The following BRD8 variants were observed in gnomAD, a reference collection of about 807,000 sequenced individuals.
The protein encoded by BRD8 is bromodomain containing 8.
A neutral mutation model predicts 143.1 loss-of-function variants in BRD8; 67 were observed. The observed-to-expected ratio is 0.47, with a 90% confidence interval of 0.38 to 0.57. The LOEUF (loss-of-function observed/expected upper bound fraction) is 0.57, where lower values mean the gene tolerates loss of function less well. Among genes scored for constraint, BRD8 ranks in the 20% least tolerant of loss-of-function variants. The pLI is 0.00. For missense variants in BRD8, 1,103 were observed against 1,503.0 expected (o/e 0.73, Z 4.40); for synonymous variants, 505 against 517.1 (o/e 0.98, Z 0.32).
intron 23 of BRD8, 69 bp from the exon 24 acceptor site, chr5:138,145,947 G>T: frequency 7.5e-7 from 1 of 1,333,926 alleles, no homozygotes; most frequent in Non-Finnish European, 1.1e-6. Flanking sequence ...CCCCAGGTGG[G>T]TAATGAGGTT....
At chr5:138,146,351 C>T (rs992324868) in intron 23 of BRD8, among the ~76,000 whole-genome samples, 1 of 143,428 alleles carries the variant, frequency 7.0e-6, no homozygotes, top group Non-Finnish European at 1.5e-5. Flanking sequence ...AACCACCATG[C>T]CCAGCCAATT....
rs192138089 is a variant in BRD8, at chr5:138,175,153, G to A, written c.116+2418C>T. On this transcript the variant is annotated intron_variant, in intron 2 of 26. Coordinates refer to ENST00000254900, the MANE Select transcript of BRD8 (RefSeq NM_139199.2). ...CCCACCTCGGCCTCCCAAAGTGCTG[G>A]GATTACAGGCGTGAGCCACTGCGCC... is the stretch of plus-strand genomic sequence containing the variant. Among the ~76,000 whole-genome samples, 98 of 152,152 alleles carry A rather than the reference G, an allele frequency of 6.4e-4. 1 individual carries two copies. Among genetic ancestry groups the A allele is most frequent in the African/African-American group, 2.3e-3 (95 of 41,524 alleles).
Position 138,145,816 on chromosome 5 carries a change from G to A in BRD8, c.3341C>T (p.Pro1114Leu). ...GTGACTGGCAATCATCTTCCAGACTGGCAGGAGAGTCTTCTTAAATAGCAA... is the reference window on the plus strand; with the variant it reads ...GTGACTGGCAATCATCTTCCAGACTAGCAGGAGAGTCTTCTTAAATAGCAA... ...DHLLFKKTLL[P>L]VWKMIASHRF... The change falls in exon 24 of 27, where the codon CCA (proline) becomes CTA (leucine). Residue 1114 changes from proline to leucine, a missense_variant. Physicochemically the swap from Pro to Leu is moderately conservative, Grantham distance 98. Coordinates refer to ENST00000254900, the MANE Select transcript of BRD8 (RefSeq NM_139199.2). 1.2e-6 allele frequency: 2 copies of A among 1,613,968 alleles called. No homozygotes were observed. The highest frequency in any genetic ancestry group is 2.2e-5 in the South Asian group (2 of 91,084).
rs778305173 is a variant in BRD8 at position 138,164,697 on chromosome 5, C to T, written c.1731+17G>A. 5.5e-5 allele frequency: 89 copies of T among 1,612,986 alleles called. No homozygotes were observed. The Middle Eastern group carries it at 8.3e-4, about 15-fold the overall frequency. ...GTATAAACCTCCATCTCCCCAGCCC[C>T]GATCTTTCTTAAGTACCTCTGTCTT... is the stretch of plus-strand genomic sequence containing the variant. On this transcript the variant is annotated intron_variant, in intron 12 of 26. Transcript: ENST00000254900.
chr5:138,156,575 T>A (rs1292355029), intron 20 of BRD8, among the ~76,000 whole-genome samples: 1 of 152,156 alleles, frequency 6.6e-6, no homozygotes, highest in Non-Finnish European at 1.5e-5. Context: ...GCTACCTATG[T>A]CCATGCTCTA....
chr5:138,156,906 G>A lies in BRD8; in HGVS notation c.2577+2649C>T, dbSNP rs147609106. The A allele has an allele frequency of 8.5e-3, 9,523 of 1,117,668 alleles. 44 individuals are homozygous for A. The highest frequency in any genetic ancestry group is 0.014 in the Middle Eastern group (35 of 2,532). 69.2% of individuals were successfully genotyped at this position (1,117,668 alleles called of 1,614,324 possible). A position where few individuals can be genotyped will look rare whatever the true frequency, so the allele number is the denominator to read the frequency against. On this transcript the variant is annotated intron_variant, in intron 20 of 26. Coordinates refer to ENST00000254900, the MANE Select transcript of BRD8 (RefSeq NM_139199.2). ...GGCTAGTTTTTTTTTTCAGTTTATT[G>A]TATACACACACATTTCACTGGTGGT...
At chr5:138,178,466 G>A (rs2151229521) in intron 1 of BRD8, 130 bp downstream of exon 1, 2 of 868,690 alleles carry the variant, frequency 2.3e-6, no homozygotes, top group Non-Finnish European at 2.0e-6. Flanking sequence ...ATGCTGTAGA[G>A]CGCAGGTCTC....
chr5:138,157,082 T>A, intron 20 of BRD8: 2 of 1,545,520 alleles, frequency 1.3e-6, no homozygotes, highest in Non-Finnish European at 1.7e-6. Flanking sequence ...ATTTTCCAGC[T>A]CATGTCGTGT....
At chr5:138,157,124 C>T (rs765007676) in intron 20 of BRD8, 62 of 1,596,592 alleles carry the variant, frequency 3.9e-5, no homozygotes, top group Non-Finnish European at 4.8e-5. Context: ...GTAACTTCCA[C>T]CTCTGGAACT....
rs1751844601 is a variant in BRD8 at position 138,140,174 on chromosome 5, G to A, written c.3616-8C>T. 1 of 1,593,030 alleles carries A rather than the reference G, an allele frequency of 6.3e-7. No homozygotes were observed. Among genetic ancestry groups the A allele is most frequent in the Non-Finnish European group, 8.6e-7 (1 of 1,161,074 alleles). On this transcript the variant is annotated splice_region_variant and splice_polypyrimidine_tract_variant and intron_variant, in intron 26 of 26. Coordinates refer to ENST00000254900, the MANE Select transcript of BRD8 (RefSeq NM_139199.2). ...TAACCAGATATTCAGTACCTAAAGG[G>A]TTAAGGAACACATAGCAAGCTATTA...
chr5:138,156,886 G>GTT, intron 20 of BRD8: 10 of 996,228 alleles, frequency 1.0e-5, no homozygotes, highest in East Asian at 7.3e-5. Flanking sequence ...CCAAAGGCTA[G>GTT]TTTTTTTTTT....
rs551346132 is a variant in BRD8 at position 138,178,524 on chromosome 5, G to A, written c.19+72C>T. The stretch of plus-strand genomic sequence containing the variant: ...AACCCACTTCTCCCACTCCCTAAGC[G>A]TGTAACAAAAATATGGTGCCTAGCC... On this transcript the variant is annotated intron_variant, in intron 1 of 26. Transcript: ENST00000254900. 7.2e-6 allele frequency: 10 copies of A among 1,382,402 alleles called. No individual in the cohort carries two copies. In the South Asian group the frequency reaches 1.0e-4, roughly 14 times the overall value. The allele number at this position is 1,382,402 out of a possible 1,614,324, so 85.6% of individuals were successfully genotyped here.
rs752035846 is a variant in BRD8, at chr5:138,140,712, T to C, written c.3608A>G (p.Gln1203Arg). ...AVEMRQEVLE[Q>R]IQVLNIWLDK... is the part of the protein sequence containing the mutation. ...GGTATCTGCATACAGTACCTGAATC[T>C]GCTCCAGGACTTCTTGCCGCATCTC... The change falls in exon 26 of 27, where the codon CAG becomes CGG. Residue 1203 changes from glutamine (Q) to arginine (R), a missense_variant. Around this residue, in one of 7 missense-constraint regions of BRD8, gnomAD observed 369 missense variants for 445.5 expected, o/e 0.83. Coordinates refer to ENST00000254900, the MANE Select transcript of BRD8 (RefSeq NM_139199.2). 13 of 1,614,018 alleles carry C rather than the reference T, an allele frequency of 8.1e-6. No homozygotes were observed. The highest frequency in any genetic ancestry group is 1.0e-5 in the Non-Finnish European group (12 of 1,179,864).
chr5:138,163,401 C>G, intron 14 of BRD8, 57 bp from the exon 15 acceptor site: 2 of 1,577,260 alleles, frequency 1.3e-6, no homozygotes, highest in Non-Finnish European at 1.7e-6. Flanking sequence ...AGCAAAGCAT[C>G]ATTAAACATG....
intron 12 of BRD8, 95 bp downstream of exon 12, chr5:138,164,619 T>A: frequency 7.1e-7 from 1 of 1,402,578 alleles, no homozygotes; most frequent in Non-Finnish European, 9.9e-7. Context: ...ATGTCAGAAC[T>A]CAGGAATGCA....
At chr5:138,174,493 G>A (rs1754152865) in intron 2 of BRD8, among the ~76,000 whole-genome samples, 1 of 151,964 alleles carries the variant, frequency 6.6e-6, no homozygotes, top group African/African-American at 2.4e-5. Flanking sequence ...CTACACGGGA[G>A]GCTGAGGTGG....
chr5:138,164,278 A>G, intron 13 of BRD8, 42 bp downstream of exon 13: 2 of 1,606,156 alleles, frequency 1.2e-6, no homozygotes, highest in Non-Finnish European at 1.7e-6. Flanking sequence ...CTCAGAAGCC[A>G]AAGCAAATGA....
intron 20 of BRD8, chr5:138,157,406 A>G (rs1581421767): frequency 9.2e-7 from 1 of 1,087,250 alleles, no homozygotes; most frequent in East Asian, 2.5e-5. Flanking sequence ...TGAGGGGCAT[A>G]TTTCTGTCTT....
In BRD8 at chr5:138,163,202, C is replaced by A; in HGVS notation, c.2015G>T (p.Ser672Ile). 6.2e-7 allele frequency: 1 copy of A among 1,614,070 alleles called. No individual in the cohort carries two copies. Residue 672 changes from serine (S) to isoleucine (I), a missense_variant, in exon 15 of 27, where the codon AGC (serine) becomes ATC (isoleucine). Ser to Ile is a moderately radical substitution (Grantham distance 142, BLOSUM62 -2). Transcript: ENST00000254900. ...PPVSESDDGF[S>I]IHNATLQSHT... ...TGACTGCAGTGTAGCATTGTGTATG[C>A]TGAAGCCATCATCACTCTCGCTCAC...
Sources: gnomAD v4.1 joint callset for allele counts (sites outside exome capture counted in the v4.1 genomes callset) on GRCh38, gnomAD v4.1.1 for gene constraint, gnomAD v4.1.1 regional missense constraint, MANE v1.5 for transcripts, NCBI Gene and HGNC (gene_info 2026-07-23, HGNC 2026-07-21) for gene names.